Variants in STARD3 observed in about 807,000 individuals in gnomAD.
STARD3 encodes stAR-related lipid transfer protein 3.
STARD3 carries 39 observed loss-of-function variants against 62.0 expected under a neutral mutation model. That is an observed-to-expected ratio of 0.63 (90% confidence interval 0.49 to 0.82). STARD3 has a LOEUF of 0.82. Among genes scored for constraint, STARD3 ranks in the 40% least tolerant of loss-of-function variants. The pLI is 0.00. For synonymous variants in STARD3, 229 were observed against 242.4 expected, an observed-to-expected ratio of 0.94 and a Z score of 0.51; for missense variants, 543 against 584.5, an observed-to-expected ratio of 0.93 and a Z score of 0.73.
At chr17:39,650,493 G>GA (rs1225508444) in intron 1 of STARD3, among the ~76,000 whole-genome samples, 2 of 152,028 alleles carry the variant, frequency 1.3e-5, no homozygotes, top group African/African-American at 2.4e-5. Context: ...GAGGGAGAGG[G>GA]AGACAGCTAA....
chr17:39,646,442 G>A (rs2057026751), intron 1 of STARD3, among the ~76,000 whole-genome samples: 2 of 151,948 alleles, frequency 1.3e-5, no homozygotes, highest in South Asian at 2.1e-4. Context: ...TTGTAGAGAC[G>A]GGGCTTTGTT....
chr17:39,658,562 C>T, intron 6 of STARD3, 40 bp downstream of exon 6: 2 of 1,596,800 alleles, frequency 1.3e-6, no homozygotes, highest in Non-Finnish European at 1.7e-6. Flanking sequence ...GAGGGTTACC[C>T]ACAGCCCCAA....
At chr17:39,638,196 C>T (rs961239199) in intron 1 of STARD3, among the ~76,000 whole-genome samples, 1 of 152,250 alleles carries the variant, frequency 6.6e-6, no homozygotes, top group African/African-American at 2.4e-5. Flanking sequence ...AGCTCCATCT[C>T]TTCTGTTACC....
In STARD3 at chr17:39,660,342, C is replaced by T; in HGVS notation, c.858+69C>T. The stretch of plus-strand genomic sequence containing the variant: ...GAGGCTCCAGGAAGGTGCCGAGGGG[C>T]CCTCTGGTGGGTGCCCCCCACCAAG... On this transcript the variant is annotated intron_variant, in intron 10 of 14. Coordinates refer to ENST00000336308, the MANE Select transcript of STARD3 (RefSeq NM_006804.4). This position sits in a 1 kb window ranked among gnomAD's most constrained non-coding sequence, Gnocchi z 4.8. 6.2e-7 allele frequency: 1 copy of T among 1,611,134 alleles called. No homozygotes were observed. Among genetic ancestry groups the T allele is most frequent in the Non-Finnish European group, 8.5e-7 (1 of 1,177,780 alleles).
At chr17:39,649,865 CA>C (rs10713558) in intron 1 of STARD3, among the ~76,000 whole-genome samples, 39,251 of 84,944 alleles carry the variant, frequency 0.46, 6,071 homozygotes, top group South Asian at 0.59. Flanking sequence ...GACTCCGTCT[CA>C]AAAAAAAAAA....
intron 13 of STARD3, 68 bp from the exon 14 acceptor site, chr17:39,662,183 G>A: frequency 7.1e-7 from 1 of 1,417,068 alleles, no homozygotes; most frequent in Non-Finnish European, 9.8e-7. Flanking sequence ...GTGAGTGGTA[G>A]GGGCTGCGGG....
chr17:39,654,167 ATCAT>A (rs3029514), intron 2 of STARD3, among the ~76,000 whole-genome samples: 76,687 of 151,294 alleles, frequency 0.51, 22,156 homozygotes, highest in South Asian at 0.68. Context: ...CGTTTGTTCG[ATCAT>A]TCATTCATTC....
chr17:39,640,260 A>G (rs2056971585), intron 1 of STARD3, among the ~76,000 whole-genome samples: 1 of 152,194 alleles, frequency 6.6e-6, no homozygotes, highest in South Asian at 2.1e-4. Flanking sequence ...CAGATGAGGA[A>G]GCTGAGGTTC....
intron 3 of STARD3, 23 bp from the exon 4 acceptor site, chr17:39,657,752 G>C (rs760315966): frequency 6.2e-7 from 1 of 1,613,910 alleles, no homozygotes; most frequent in Non-Finnish European, 8.5e-7. Flanking sequence ...TCCTGTGACT[G>C]CCTTGCTCCC....
At chr17:39,656,854 T>C in intron 2 of STARD3, 154 bp from the exon 3 acceptor site, 1 of 668,396 alleles carries the variant, frequency 1.5e-6, no homozygotes, top group Non-Finnish European at 2.6e-6. Flanking sequence ...CTGAGATCCC[T>C]TGGTGCTTCC....
intron 1 of STARD3, chr17:39,652,436 A>C (rs568962858): frequency 6.6e-6 from 1 of 152,376 alleles, no homozygotes; most frequent in African/African-American, 2.4e-5. Context: ...TAAAACAATA[A>C]AGATCGTTTC....
intron 1 of STARD3, among the ~76,000 whole-genome samples, chr17:39,641,085 C>T (rs910491791): frequency 1.4e-4 from 22 of 152,218 alleles, no homozygotes; most frequent in African/African-American, 3.4e-4. Flanking sequence ...CCTAGCCAGG[C>T]GCAGTGGTGC....
chr17:39,638,090 T>G (rs1019097461), intron 1 of STARD3, among the ~76,000 whole-genome samples: 2 of 152,234 alleles, frequency 1.3e-5, no homozygotes, highest in African/African-American at 4.8e-5. Context: ...GCCGGAAGTC[T>G]GGTAATTTCC....
intron 13 of STARD3, 25 bp downstream of exon 13, chr17:39,661,110 AC>A: frequency 6.3e-7 from 1 of 1,599,642 alleles, no homozygotes; most frequent in South Asian, 1.1e-5. Context: ...GCCTGGGGTC[AC>A]CCCTGCCAGC....
chr17:39,637,976 C>T (rs1167925290), intron 1 of STARD3, among the ~76,000 whole-genome samples: 1 of 152,224 alleles, frequency 6.6e-6, no homozygotes, highest in Non-Finnish European at 1.5e-5. Flanking sequence ...CACGCTTGCC[C>T]ATCCAGCGGC....
intron 1 of STARD3, among the ~76,000 whole-genome samples, chr17:39,647,435 G>T (rs2057036997): frequency 6.6e-6 from 1 of 152,132 alleles, no homozygotes; most frequent in African/African-American, 2.4e-5. Context: ...CTCCCAGGGG[G>T]CTGGGCTGTC....
chr17:39,660,645 A>T lies in STARD3; in HGVS notation c.954+119A>T, dbSNP rs2057186303. 8.7e-6 allele frequency: 12 copies of T among 1,377,314 alleles called. No homozygotes were observed. The South Asian group carries it at 1.2e-4, about 14-fold the overall frequency. The allele number at this position is 1,377,314 out of a possible 1,614,324, so 85.3% of individuals were successfully genotyped here. ...TCTGTACAGTGGGTGTGATGGTAACAGTGCCTGCTCGGGAGGGTCGGGAGG... is the reference window on the plus strand; with the variant it reads ...TCTGTACAGTGGGTGTGATGGTAACTGTGCCTGCTCGGGAGGGTCGGGAGG... On this transcript the variant is annotated intron_variant, in intron 11 of 14. Transcript: ENST00000336308. The surrounding 1 kb of genome is among the most constrained non-coding windows in gnomAD (Gnocchi z 4.8).
rs2056999388 is a variant in STARD3 at position 39,643,616 on chromosome 17, T to TAGAC, written c.-52+6386_-52+6389dup. Among the ~76,000 whole-genome samples, 5 of 152,252 alleles carry TAGAC rather than the reference T, an allele frequency of 3.3e-5. No homozygotes were observed. The South Asian group carries it at 1.0e-3, about 32-fold the overall frequency. On this transcript the variant is annotated intron_variant, in intron 1 of 14. Transcript: ENST00000336308. Reference sequence around the variant, plus strand: ...TCCTGGGCCAGCCAGCAGCAGGACATAGACCAAGGCCAACCTCCTCCACAC... The same window carrying TAGAC: ...TCCTGGGCCAGCCAGCAGCAGGACATAGACAGACCAAGGCCAACCTCCTCCACAC...
At chr17:39,662,105 C>A (rs1459542233) in intron 13 of STARD3, 146 bp from the exon 14 acceptor site, 6 of 699,734 alleles carry the variant, frequency 8.6e-6, no homozygotes, top group African/African-American at 1.8e-5. Flanking sequence ...CTGTGCTAAG[C>A]CTTGTTCAGA....
Sources: gnomAD v4.1 joint callset for allele counts (sites outside exome capture counted in the v4.1 genomes callset) on GRCh38, gnomAD v4.1.1 for gene constraint, Gnocchi (gnomAD v3.1) non-coding constraint, MANE v1.5 for transcripts, NCBI Gene and HGNC (gene_info 2026-07-23, HGNC 2026-07-21) for gene names.